FAM120B: variants seen among roughly 807,000 people sequenced by gnomAD.
FAM120B encodes the protein constitutive coactivator of peroxisome proliferator-activated receptor gamma.
Under a neutral mutation model 96.3 loss-of-function variants are expected in FAM120B, and 83 were observed. That is an observed-to-expected ratio of 0.86 (90% CI 0.72 to 1.03). FAM120B has a LOEUF of 1.03. Ranked by LOEUF, FAM120B falls within the 50% of genes least tolerant of loss-of-function variation. The probability of loss-of-function intolerance (pLI) is 0.00; values close to 1 mark genes in which losing one functional copy is unlikely to be tolerated. For missense variants in FAM120B, 1,027 were observed against 1,121.2 expected (o/e 0.92, Z 1.20); for synonymous variants, 407 against 402.7 (o/e 1.01, Z -0.13).
intron 7 of FAM120B, among the ~76,000 whole-genome samples, chr6:170,390,114 C>T (rs759291842): frequency 3.3e-5 from 5 of 152,184 alleles, no homozygotes; most frequent in East Asian, 1.9e-4. Context: ...ATGAGAAAAG[C>T]GGTGTGATCC....
At chr6:170,351,670 A>G (rs1183664847) in intron 5 of FAM120B, among the ~76,000 whole-genome samples, 1 of 152,216 alleles carries the variant, frequency 6.6e-6, no homozygotes, top group Non-Finnish European at 1.5e-5. Context: ...CCAACCCAGA[A>G]TTTTATATCC....
At chr6:170,299,277 G>A (rs1172503874) in intron 1 of FAM120B, among the ~76,000 whole-genome samples, 1 of 152,090 alleles carries the variant, frequency 6.6e-6, no homozygotes, top group African/African-American at 2.4e-5. Context: ...TCTTTGTTCA[G>A]GTTTGGTGAT....
intron 1 of FAM120B, among the ~76,000 whole-genome samples, chr6:170,301,160 T>C (rs1412670082): frequency 1.3e-5 from 2 of 152,246 alleles, no homozygotes; most frequent in African/African-American, 4.8e-5. Context: ...GGCATTTCCA[T>C]ACATCCTCTG....
At chr6:170,303,556 T>C (rs1224353988), upstream of FAM120B, among the ~76,000 whole-genome samples, 2 of 152,240 alleles carry the variant, frequency 1.3e-5, no homozygotes, top group Non-Finnish European at 2.9e-5. Context: ...GCTCATATTT[T>C]CTAAGAACAC....
chr6:170,314,403 A>G (rs530559328), intron 1 of FAM120B, among the ~76,000 whole-genome samples: 3 of 152,344 alleles, frequency 2.0e-5, no homozygotes, highest in African/African-American at 7.2e-5. Context: ...ATGTTGTGCT[A>G]GGTGCTGGAA....
rs1030737284 is a variant in FAM120B, at chr6:170,370,017, G to A, written c.2283+11699G>A. ...CTACAGCAGAAGCAAATTTCAGGAT[G>A]TAATTTCAATTTTACAAAAAATGTA... On this transcript the variant is annotated intron_variant, in intron 6 of 10. Coordinates refer to ENST00000476287, the MANE Select transcript of FAM120B (RefSeq NM_032448.3). This position sits in a 1 kb window ranked among gnomAD's most constrained non-coding sequence, Gnocchi z 4.3. Among the ~76,000 whole-genome samples, 2 of 152,212 alleles carry A rather than the reference G, an allele frequency of 1.3e-5. No homozygotes were observed.
At chr6:170,339,058 G>T (rs1786639795) in intron 4 of FAM120B, among the ~76,000 whole-genome samples, 1 of 151,876 alleles carries the variant, frequency 6.6e-6, no homozygotes, top group South Asian at 2.1e-4. Context: ...TCATCATGAT[G>T]CTAGCTGGTT....
At chr6:170,378,529 T>C (rs180681353) in intron 6 of FAM120B, among the ~76,000 whole-genome samples, 7 of 152,376 alleles carry the variant, frequency 4.6e-5, no homozygotes, top group Admixed American at 4.6e-4. Flanking sequence ...GCGCCTATTC[T>C]ATGCCAGACT....
chr6:170,326,372 C>G (rs1423445960), intron 3 of FAM120B, among the ~76,000 whole-genome samples: 2 of 152,326 alleles, frequency 1.3e-5, no homozygotes, highest in Admixed American at 1.3e-4. Flanking sequence ...CCCCTGTGTC[C>G]TGGCAATCTT....
intron 4 of FAM120B, among the ~76,000 whole-genome samples, chr6:170,336,109 T>C (rs1374349789): frequency 6.6e-6 from 1 of 152,226 alleles, no homozygotes; most frequent in Non-Finnish European, 1.5e-5. Flanking sequence ...GTTTTAGTCA[T>C]GAAGTCTTTG....
chr6:170,347,739 T>C (rs1787286991), intron 4 of FAM120B, among the ~76,000 whole-genome samples: 2 of 152,130 alleles, frequency 1.3e-5, no homozygotes, highest in Non-Finnish European at 2.9e-5. Flanking sequence ...ACATGAAAGG[T>C]TGAAAACCAT....
At chr6:170,316,872 G>A (rs920132831) in intron 1 of FAM120B, among the ~76,000 whole-genome samples, 1 of 152,144 alleles carries the variant, frequency 6.6e-6, no homozygotes, top group Non-Finnish European at 1.5e-5. Context: ...CTGTCACTAC[G>A]GATTAGCATA....
At position 170,319,227 on chromosome 6, in the gene FAM120B, G is replaced by A. The variant is rs1785135832; in HGVS notation, c.1734+103G>A. ...TGCCTCAGTGTTTGGCCACTGAGAG[G>A]ATGCACAACAGGAGTCTCTAAGTCT... On this transcript the variant is annotated intron_variant, in intron 2 of 10. Coordinates refer to ENST00000476287, the MANE Select transcript of FAM120B (RefSeq NM_032448.3). 6.1e-6 allele frequency: 7 copies of A among 1,147,036 alleles called. No homozygotes were observed. The East Asian group carries it at 1.4e-4, about 23-fold the overall frequency. The allele number at this position is 1,147,036 out of a possible 1,614,324, so 71.1% of individuals were successfully genotyped here. A position where few individuals can be genotyped will look rare whatever the true frequency, so the allele number is the denominator to read the frequency against.
At chr6:170,387,990 G>T (rs1790282227) in intron 6 of FAM120B, among the ~76,000 whole-genome samples, 2 of 152,174 alleles carry the variant, frequency 1.3e-5, no homozygotes, top group Admixed American at 1.3e-4. Flanking sequence ...TGTGCTCACT[G>T]CCTCTGTATG....
At chr6:170,296,793 C>A (rs1435309572) in intron 1 of FAM120B, among the ~76,000 whole-genome samples, 3 of 152,106 alleles carry the variant, frequency 2.0e-5, no homozygotes, top group Admixed American at 6.5e-5. Context: ...TCGGTACGGG[C>A]CCCCTGCGGC....
chr6:170,319,214 T>C, intron 2 of FAM120B, 90 bp downstream of exon 2: 1 of 1,296,778 alleles, frequency 7.7e-7, no homozygotes. Context: ...CCTCAGTGTT[T>C]GGCCACTGAG....
At chr6:170,362,777 G>A (rs546201844) in intron 6 of FAM120B, among the ~76,000 whole-genome samples, 8 of 151,508 alleles carry the variant, frequency 5.3e-5, no homozygotes, top group African/African-American at 1.9e-4. Flanking sequence ...TGCCTCCCAG[G>A]CTCAAGCCAT....
intron 6 of FAM120B, 35 bp downstream of exon 6, chr6:170,358,353 A>C (rs1385331076): frequency 7.0e-7 from 1 of 1,427,392 alleles, no homozygotes; most frequent in South Asian, 1.2e-5. Context: ...CACTGCCCGG[A>C]AGACAGCTGT....
intron 9 of FAM120B, among the ~76,000 whole-genome samples, chr6:170,402,615 C>T (rs1345034333): frequency 6.6e-6 from 1 of 152,166 alleles, no homozygotes; most frequent in Non-Finnish European, 1.5e-5. Flanking sequence ...TGGGCTCTCC[C>T]GGGCTCTGCG....
Sources: gnomAD v4.1 joint callset for allele counts (sites outside exome capture counted in the v4.1 genomes callset) on GRCh38, gnomAD v4.1.1 for gene constraint, Gnocchi (gnomAD v3.1) non-coding constraint, MANE v1.5 for transcripts, NCBI Gene and HGNC (gene_info 2026-07-23, HGNC 2026-07-21) for gene names.